The following NSD3 variants were observed in gnomAD, a reference collection of about 807,000 sequenced individuals.
The protein encoded by NSD3 is histone-lysine N-methyltransferase NSD3.
Under a neutral mutation model 160.8 loss-of-function variants are expected in NSD3, and 24 were observed. The ratio of observed to expected loss-of-function variants is 0.15; its 90% CI spans 0.11 to 0.21. The LOEUF is 0.21. Ranked by LOEUF, NSD3 falls within the 10% of genes least tolerant of loss-of-function variation. The probability of loss-of-function intolerance (pLI) is 1.00; values close to 1 mark genes in which losing one functional copy is unlikely to be tolerated. For synonymous variants in NSD3, 520 were observed against 600.0 expected (o/e 0.87, Z 1.95); for missense variants, 1,157 against 1,735.9 (o/e 0.67, Z 5.93).
chr8:38,355,651 C>G (rs1810806673), intron 1 of NSD3, among the ~76,000 whole-genome samples: 1 of 152,100 alleles, frequency 6.6e-6, no homozygotes, highest in Non-Finnish European at 1.5e-5. Flanking sequence ...GTTCTTCACA[C>G]ATTGCTTTTC....
intron 11 of NSD3, 121 bp from the exon 12 acceptor site, chr8:38,314,894 CGG>C (rs1161599119): frequency 1.8e-6 from 2 of 1,089,416 alleles, no homozygotes; most frequent in Admixed American, 4.9e-5. Context: ...GTAGGTCTGG[CGG>C]GGGCCCCAAG....
chr8:38,354,201 G>A (rs1810769129), intron 1 of NSD3, among the ~76,000 whole-genome samples: 3 of 152,148 alleles, frequency 2.0e-5, no homozygotes, highest in African/African-American at 4.8e-5. Context: ...TGCTTAGACC[G>A]AATCTAAAGT....
chr8:38,279,863 C>G, intron 20 of NSD3, 182 bp from the exon 21 acceptor site: 1 of 596,306 alleles, frequency 1.7e-6, no homozygotes, highest in Non-Finnish European at 2.8e-6. Context: ...TGATGACCTT[C>G]AAGTCAAAGT....
chr8:38,330,654 A>G (rs1363201410), intron 5 of NSD3, among the ~76,000 whole-genome samples: 1 of 152,262 alleles, frequency 6.6e-6, no homozygotes, highest in Non-Finnish European at 1.5e-5. Context: ...TCATATATAA[A>G]TCTGTAAAAT....
chr8:38,352,306 A>T (rs1313478554), intron 1 of NSD3, among the ~76,000 whole-genome samples: 1 of 152,164 alleles, frequency 6.6e-6, no homozygotes, highest in African/African-American at 2.4e-5. Context: ...TAAAATTACA[A>T]ACAAATGAAT....
intron 7 of NSD3, among the ~76,000 whole-genome samples, chr8:38,325,215 T>G (rs2150373528): frequency 6.6e-6 from 1 of 152,318 alleles, no homozygotes; most frequent in Non-Finnish European, 1.5e-5. Context: ...GGGATTGGAC[T>G]CTAACACCAG....
At chr8:38,284,646 G>A (rs113000398) in intron 19 of NSD3, among the ~76,000 whole-genome samples, 150 of 152,220 alleles carry the variant, frequency 9.9e-4, no homozygotes, top group Non-Finnish European at 1.8e-3. Context: ...CTCAACCTCC[G>A]AAAGTGCTAG....
rs59678943 is a variant in NSD3, at chr8:38,326,430, T to C, written c.1708+300A>G. Among the ~76,000 whole-genome samples the C allele has an allele frequency of 4.9e-3, 752 of 152,340 alleles. 10 individuals carry two copies. The highest frequency in any genetic ancestry group is 0.017 in the African/African-American group (706 of 41,572). On this transcript the variant is annotated intron_variant, in intron 7 of 23. Transcript: ENST00000317025. The stretch of plus-strand genomic sequence containing the variant: ...AGTGGGAAAAGTAAAGCTGTTATTA[T>C]GCAAAGAGAGATAGTCGATGGTGTA...
chr8:38,302,540 A>C (rs909199833), intron 14 of NSD3, among the ~76,000 whole-genome samples: 2 of 152,226 alleles, frequency 1.3e-5, no homozygotes, highest in South Asian at 2.1e-4. Flanking sequence ...AATTGTTAAG[A>C]TGTAAATACA....
At chr8:38,327,501 T>C (rs1216869819) in intron 6 of NSD3, among the ~76,000 whole-genome samples, 2 of 152,160 alleles carry the variant, frequency 1.3e-5, no homozygotes, top group Admixed American at 6.5e-5. Flanking sequence ...ACTACAGGCA[T>C]GTGCTACCAT....
At chr8:38,296,018 A>G in intron 15 of NSD3, 66 bp from the exon 16 acceptor site, 1 of 1,463,576 alleles carries the variant, frequency 6.8e-7, no homozygotes, top group Non-Finnish European at 9.1e-7. Context: ...GAAAAAGGAG[A>G]AAGTTATCTT....
chr8:38,325,596 G>A (rs979714767), intron 7 of NSD3, among the ~76,000 whole-genome samples: 6 of 152,220 alleles, frequency 3.9e-5, no homozygotes, highest in African/African-American at 1.2e-4. Flanking sequence ...TGTTGGCTGG[G>A]TGCAATGGCT....
Position 38,318,634 on chromosome 8 carries a change from A to C in NSD3, c.1855+261T>G, listed in dbSNP as rs1809724974. 6.6e-6 allele frequency among the ~76,000 whole-genome samples: 1 copy of C among 152,196 alleles called. No individual in the cohort carries two copies. The highest frequency in any genetic ancestry group is 1.5e-5 in the Non-Finnish European group (1 of 68,036). On this transcript the variant is annotated intron_variant, in intron 9 of 23. Transcript: ENST00000317025. This position sits in a 1 kb window ranked among gnomAD's most constrained non-coding sequence, Gnocchi z 5.3. Reference sequence around the variant, plus strand: ...TAAGCCAGTGAAACCCCAGAATCTTATGGAGAAAAGTTGGAAACAGTATCA... The same window carrying C: ...TAAGCCAGTGAAACCCCAGAATCTTCTGGAGAAAAGTTGGAAACAGTATCA...
intron 12 of NSD3, among the ~76,000 whole-genome samples, chr8:38,309,831 A>T (rs968336349): frequency 1.3e-5 from 2 of 152,244 alleles, no homozygotes; most frequent in Non-Finnish European, 2.9e-5. Context: ...AGAAAGTGGT[A>T]GTATAAGAAC....
rs1808908715 is a variant in NSD3, at chr8:38,288,060, C to G, written c.3501+427G>C. Among the ~76,000 whole-genome samples, 1 of 151,864 alleles carries G rather than the reference C, an allele frequency of 6.6e-6. No individual in the cohort carries two copies. The highest frequency in any genetic ancestry group is 1.5e-5 in the Non-Finnish European group (1 of 67,984). The stretch of plus-strand genomic sequence containing the variant: ...ACCAGCCTGGGCAATGTAGTGAGAC[C>G]CTATCCAGCTACTCGGGAGGCTGAA... On this transcript the variant is annotated intron_variant, in intron 19 of 23. Coordinates refer to ENST00000317025, the MANE Select transcript of NSD3 (RefSeq NM_023034.2). This position sits in a 1 kb window ranked among gnomAD's most constrained non-coding sequence, Gnocchi z 4.5.
chr8:38,343,833 G>A (rs1428958070), intron 2 of NSD3, among the ~76,000 whole-genome samples: 8 of 152,166 alleles, frequency 5.3e-5, no homozygotes, highest in South Asian at 2.1e-4. Flanking sequence ...TAGTGTTCAC[G>A]GGACTGATCC....
chr8:38,348,332 C>T, intron 1 of NSD3, 117 bp from the exon 2 acceptor site: 4 of 675,864 alleles, frequency 5.9e-6, no homozygotes, highest in Non-Finnish European at 2.3e-6. Flanking sequence ...TCCAGATATG[C>T]ATAGACATTA....
At position 38,276,650 on chromosome 8, in the gene NSD3, T is replaced by A; in HGVS notation, c.3868-150A>T. ...GGAGGCCTTATGCTGCAACAAATACTATAACAAAAATAAAGTTTTGTTTTC... is the reference window on the plus strand; with the variant it reads ...GGAGGCCTTATGCTGCAACAAATACAATAACAAAAATAAAGTTTTGTTTTC... On this transcript the variant is annotated intron_variant, in intron 22 of 23. Coordinates refer to ENST00000317025, the MANE Select transcript of NSD3 (RefSeq NM_023034.2). 1.3e-6 allele frequency: 1 copy of A among 754,454 alleles called. No individual in the cohort carries two copies. The highest frequency in any genetic ancestry group is 2.1e-6 in the Non-Finnish European group (1 of 474,164). 46.7% of individuals were successfully genotyped at this position (754,454 alleles called of 1,614,324 possible). A position where few individuals can be genotyped will look rare whatever the true frequency, so the allele number is the denominator to read the frequency against.
At chr8:38,296,096 T>G in intron 15 of NSD3, 144 bp from the exon 16 acceptor site, 1 of 844,382 alleles carries the variant, frequency 1.2e-6, no homozygotes, top group Non-Finnish European at 1.8e-6. Flanking sequence ...TCTACAGTGA[T>G]GGATTAAAAT....
Sources: gnomAD v4.1 joint callset for allele counts (sites outside exome capture counted in the v4.1 genomes callset) on GRCh38, gnomAD v4.1.1 for gene constraint, Gnocchi (gnomAD v3.1) non-coding constraint, MANE v1.5 for transcripts, NCBI Gene and HGNC (gene_info 2026-07-23, HGNC 2026-07-21) for gene names.